PRIM2: variants seen among roughly 807,000 people sequenced by gnomAD.
The protein encoded by PRIM2 is DNA primase subunit 2.
Under a neutral mutation model 67.3 loss-of-function variants are expected in PRIM2, and 39 were observed. That is an observed-to-expected ratio of 0.58 (90% CI 0.45 to 0.76). PRIM2 has a LOEUF of 0.76. Among genes scored for constraint, PRIM2 ranks in the 30% least tolerant of loss-of-function variants. The probability of loss-of-function intolerance (pLI) is 0.00; values close to 1 mark genes in which losing one functional copy is unlikely to be tolerated. For missense variants in PRIM2, 398 were observed against 598.7 expected (o/e 0.66, Z 3.50); for synonymous variants, 143 against 198.7 (o/e 0.72, Z 2.36).
At chr6:57,247,235 T>C in the PRIM2 span, among the ~76,000 whole-genome samples, 2 of 152,216 alleles carry the variant, frequency 1.3e-5, no homozygotes, top group Non-Finnish European at 2.9e-5. Flanking sequence ...TTTATCCCTT[T>C]CAGGCTAGCC....
At chr6:57,425,231 T>A (rs1351840200) in intron 7 of PRIM2, among the ~76,000 whole-genome samples, 1 of 152,214 alleles carries the variant, frequency 6.6e-6, no homozygotes, top group East Asian at 1.9e-4. Context: ...ACACATTTTT[T>A]AATGGAATTA....
chr6:57,420,241 G>A (rs147819453), intron 7 of PRIM2, among the ~76,000 whole-genome samples: 2,382 of 152,084 alleles, frequency 0.016, 68 homozygotes, highest in African/African-American at 0.054. Flanking sequence ...ACAGTGGCTC[G>A]TGCCTGTAAT....
intron 8 of PRIM2, among the ~76,000 whole-genome samples, chr6:57,520,198 T>C (rs1774582616): frequency 6.6e-6 from 1 of 152,204 alleles, no homozygotes; most frequent in East Asian, 1.9e-4. Context: ...CTGTGGCAGT[T>C]ATTGGGGAAC....
At chr6:57,338,361 G>C (rs1409046657) in intron 5 of PRIM2, among the ~76,000 whole-genome samples, 1 of 152,060 alleles carries the variant, frequency 6.6e-6, no homozygotes, top group Non-Finnish European at 1.5e-5. Flanking sequence ...CATTTTATGA[G>C]GCCAGCATCA....
chr6:57,331,349 T>G (rs570678895), intron 5 of PRIM2, among the ~76,000 whole-genome samples: 1 of 152,296 alleles, frequency 6.6e-6, no homozygotes, highest in South Asian at 2.1e-4. Flanking sequence ...GCATCTATAT[T>G]GATAAGGGAT....
At chr6:57,352,064 ATCTTATT>A (rs1768875722) in intron 5 of PRIM2, among the ~76,000 whole-genome samples, 2 of 152,182 alleles carry the variant, frequency 1.3e-5, no homozygotes, top group African/African-American at 4.8e-5. Context: ...AAGGTTAGCT[ATCTTATT>A]GTTTATTGAA....
chr6:57,548,847 T>C (rs1395302091), intron 10 of PRIM2, among the ~76,000 whole-genome samples: 1 of 152,118 alleles, frequency 6.6e-6, no homozygotes, highest in Non-Finnish European at 1.5e-5. Flanking sequence ...ACCAGAAGGA[T>C]TTGGCGTATT....
chr6:57,244,089 T>C, the PRIM2 span, among the ~76,000 whole-genome samples: 3 of 152,292 alleles, frequency 2.0e-5, no homozygotes, highest in Admixed American at 6.5e-5. Flanking sequence ...CAATCAAGCC[T>C]GTGACGTCTG....
At chr6:57,388,273 T>G (rs1195752551) in intron 7 of PRIM2, among the ~76,000 whole-genome samples, 7 of 152,206 alleles carry the variant, frequency 4.6e-5, no homozygotes, top group African/African-American at 7.2e-5. Context: ...AAAGCCATTT[T>G]GGAGGATAAA....
At chr6:57,563,642 T>G (rs1323333645) in intron 10 of PRIM2, among the ~76,000 whole-genome samples, 36 of 152,268 alleles carry the variant, frequency 2.4e-4, no homozygotes, top group Middle Eastern at 3.4e-3. Flanking sequence ...TGCCTTAGCT[T>G]TTTTATTTAT....
chr6:57,435,247 G>A (rs1157954128), intron 7 of PRIM2: 1 of 152,222 alleles, frequency 6.6e-6, no homozygotes, highest in Non-Finnish European at 1.5e-5. Context: ...CTGGACTGTG[G>A]AGGAGATGAA....
chr6:57,313,293 A>G (rs1012487341), upstream of PRIM2, among the ~76,000 whole-genome samples: 2 of 152,144 alleles, frequency 1.3e-5, no homozygotes, highest in African/African-American at 4.8e-5. Context: ...AGTAGTTGTT[A>G]TCTAACATAA....
At chr6:57,337,966 C>G (rs1768319172) in intron 5 of PRIM2, among the ~76,000 whole-genome samples, 1 of 148,988 alleles carries the variant, frequency 6.7e-6, no homozygotes, top group Non-Finnish European at 1.5e-5. Context: ...GCTAGCAAGA[C>G]TAATAAAGAA....
At chr6:57,609,911 T>C (rs1776633605) in intron 12 of PRIM2, among the ~76,000 whole-genome samples, 1 of 152,210 alleles carries the variant, frequency 6.6e-6, no homozygotes, top group Non-Finnish European at 1.5e-5. Context: ...TTGGCCTAAG[T>C]GCAGATTAGA....
chr6:57,266,844 G>T, the PRIM2 span, among the ~76,000 whole-genome samples: 2 of 151,664 alleles, frequency 1.3e-5, no homozygotes, highest in African/African-American at 4.8e-5. Context: ...TTGTGGAGTG[G>T]GTATCTTAAC....
chr6:57,455,286 T>A (rs1772724669), intron 7 of PRIM2, among the ~76,000 whole-genome samples: 1 of 152,226 alleles, frequency 6.6e-6, no homozygotes, highest in Admixed American at 6.5e-5. Flanking sequence ...GAGAGTTCTG[T>A]AGTTGTCTAT....
intron 5 of PRIM2, among the ~76,000 whole-genome samples, chr6:57,328,773 T>G (rs993359518): frequency 6.6e-6 from 1 of 152,222 alleles, no homozygotes; most frequent in Non-Finnish European, 1.5e-5. Flanking sequence ...TCATTATATA[T>G]CTTACCAGCA....
At chr6:57,577,346 T>C (rs1775981539) in intron 10 of PRIM2, among the ~76,000 whole-genome samples, 1 of 152,134 alleles carries the variant, frequency 6.6e-6, no homozygotes, top group East Asian at 1.9e-4. Context: ...AAAATAGGGA[T>C]ATTCACACCA....
the PRIM2 span, among the ~76,000 whole-genome samples, chr6:57,241,907 C>T: frequency 1.4e-4 from 21 of 152,008 alleles, no homozygotes; most frequent in Non-Finnish European, 2.4e-4. Context: ...CTCCTGACCT[C>T]GTGATCTGCC....
Sources: allele counts gnomAD v4.1 joint callset (sites outside exome capture counted in the v4.1 genomes callset), GRCh38; gene constraint gnomAD v4.1.1; transcripts MANE v1.5; gene names NCBI Gene and HGNC (gene_info 2026-07-23, HGNC 2026-07-21).